Variants in RFPL2 observed in about 807,000 individuals in gnomAD.
RFPL2 encodes ret finger protein-like 2.
A neutral mutation model predicts 17.8 loss-of-function variants in RFPL2; 13 were observed. That is an observed-to-expected ratio of 0.73 (90% CI 0.47 to 1.16). The LOEUF is 1.16. RFPL2 is among the 50% of genes most tolerant of loss of function. RFPL2 has a pLI of 0.00. For missense variants in RFPL2, 431 were observed against 479.3 expected, an observed-to-expected ratio of 0.90 and a Z score of 0.94; for synonymous variants, 189 against 180.9, an observed-to-expected ratio of 1.04 and a Z score of -0.36.
intron 3 of RFPL2, among the ~76,000 whole-genome samples, chr22:32,193,673 C>T (rs547344031): frequency 6.6e-6 from 1 of 152,058 alleles, no homozygotes; most frequent in Non-Finnish European, 1.5e-5. Context: ...CCAGCCTGAC[C>T]AACATGGGGA....
At chr22:32,191,434 C>T in intron 4 of RFPL2, 82 bp from the exon 5 acceptor site, 1 of 1,481,558 alleles carries the variant, frequency 6.7e-7, no homozygotes, top group Non-Finnish European at 9.1e-7. Flanking sequence ...GCCCAAATAT[C>T]TCTTGACTTT....
intron 3 of RFPL2, chr22:32,193,467 C>T (rs1206154814): frequency 6.9e-7 from 1 of 1,444,028 alleles, no homozygotes; most frequent in South Asian, 1.5e-5. Flanking sequence ...TGAGCCTGAG[C>T]CAGTGACATG....
intron 2 of RFPL2, among the ~76,000 whole-genome samples, chr22:32,195,914 C>T (rs1240047683): frequency 6.6e-6 from 1 of 152,078 alleles, no homozygotes; most frequent in Non-Finnish European, 1.5e-5. Context: ...CGACCTCTCC[C>T]CAAGCTCCCC....
chr22:32,195,753 C>T (rs185522078), intron 2 of RFPL2, among the ~76,000 whole-genome samples: 58 of 152,156 alleles, frequency 3.8e-4, no homozygotes, highest in Non-Finnish European at 7.2e-4. Flanking sequence ...CCACCGCGCC[C>T]GGCCAACATT....
chr22:32,197,062 A>T (rs1187955043), intron 2 of RFPL2, among the ~76,000 whole-genome samples: 9 of 152,216 alleles, frequency 5.9e-5, no homozygotes, highest in Admixed American at 5.9e-4. Flanking sequence ...TTTTGTGGCT[A>T]AAAGTTTATT....
At position 32,194,510 on chromosome 22, in the gene RFPL2, G is replaced by A. The variant is rs1923116762; in HGVS notation, c.120-20C>T. 4 of 1,604,132 alleles carry A rather than the reference G, an allele frequency of 2.5e-6. No individual in the cohort carries two copies. The highest frequency in any genetic ancestry group is 4.5e-5 in the East Asian group (2 of 44,734). On this transcript the variant is annotated intron_variant, in intron 2 of 4. Coordinates refer to ENST00000652607, the MANE Select transcript of RFPL2 (RefSeq NM_001394555.1). ...ATGAGGCTTTGATTTAATTATAACA[G>A]GGAATTAGGTTTTTACTGGTGATAT... is the stretch of plus-strand genomic sequence containing the variant.
At chr22:32,198,285 C>T (rs1447602781) in intron 2 of RFPL2, among the ~76,000 whole-genome samples, 4 of 152,166 alleles carry the variant, frequency 2.6e-5, no homozygotes, top group African/African-American at 9.7e-5. Context: ...TCCTGGGCCA[C>T]AGTCAAAGGG....
chr22:32,191,405 C>A, intron 4 of RFPL2, 53 bp from the exon 5 acceptor site: 2 of 1,547,784 alleles, frequency 1.3e-6, no homozygotes, highest in Non-Finnish European at 1.7e-6. Context: ...CAACCCTATG[C>A]CTCTCTTCTA....
intron 3 of RFPL2, chr22:32,193,625 A>G (rs1436554153): frequency 2.1e-5 from 11 of 513,652 alleles, no homozygotes; most frequent in Non-Finnish European, 3.0e-5. Flanking sequence ...TGGGAGGCCA[A>G]GGTGGGTGGA....
intron 1 of RFPL2, chr22:32,203,339 G>T (rs915602638): frequency 6.5e-6 from 1 of 153,512 alleles, no homozygotes; most frequent in Non-Finnish European, 1.4e-5. Flanking sequence ...GGGCAGTGAC[G>T]CCTGGAGTAG....
rs571209292 is a variant in RFPL2 at position 32,202,772 on chromosome 22, C to T, written c.-99-222G>A. Reference sequence around the variant, plus strand: ...GGAACAGCTGCAGCCACCCTGGCTGCACTCCTCGGGAAGCAGGAGCAGCAG... The same window carrying T: ...GGAACAGCTGCAGCCACCCTGGCTGTACTCCTCGGGAAGCAGGAGCAGCAG... On this transcript the variant is annotated intron_variant, in intron 1 of 4. Coordinates refer to ENST00000652607, the MANE Select transcript of RFPL2 (RefSeq NM_001394555.1). 32 of 1,098,522 alleles carry T rather than the reference C, an allele frequency of 2.9e-5. No individual in the cohort carries two copies. In the South Asian group the frequency reaches 6.7e-4, roughly 23 times the overall value. The allele number at this position is 1,098,522 out of a possible 1,614,324, so 68.0% of individuals were successfully genotyped here. A position where few individuals can be genotyped will look rare whatever the true frequency, so the allele number is the denominator to read the frequency against.
intron 2 of RFPL2, among the ~76,000 whole-genome samples, chr22:32,197,506 C>T (rs976153841): frequency 3.9e-5 from 6 of 152,006 alleles, no homozygotes; most frequent in African/African-American, 1.2e-4. Context: ...ATGCTGCGCC[C>T]GTTAACTCGT....
rs776256891 is a variant in RFPL2 at position 32,193,311 on chromosome 22, G to A, written c.266-119C>T. On this transcript the variant is annotated intron_variant, in intron 3 of 4. Transcript: ENST00000652607. ...TTGTGTTCCAGCTTTGTCACTCCGA[G>A]AATAAGACCATGAGTACAAACACTC... 5.6e-6 allele frequency: 9 copies of A among 1,593,572 alleles called. No individual in the cohort carries two copies. The Admixed American group carries it at 6.8e-5, about 12-fold the overall frequency.
In RFPL2 at chr22:32,202,552, T is replaced by C; in HGVS notation, c.-99-2A>G. On this transcript the variant is annotated splice_acceptor_variant, in intron 1 of 4. Transcript: ENST00000652607. LOFTEE classifies it low-confidence loss of function (5UTR_SPLICE). The stretch of plus-strand genomic sequence containing the variant: ...CCGGGCAGACAAAGCCAGAAAAGCC[T>C]AGAACAGGATGCAGAGTGGTAACAT... 1 of 1,516,094 alleles carries C rather than the reference T, an allele frequency of 6.6e-7. No homozygotes were observed. 93.9% of individuals were successfully genotyped at this position (1,516,094 alleles called of 1,614,324 possible).
chr22:32,199,142 C>T (rs566170772), intron 2 of RFPL2, among the ~76,000 whole-genome samples: 74 of 152,248 alleles, frequency 4.9e-4, no homozygotes, highest in Non-Finnish European at 9.0e-4. Context: ...CTCCAGGTTT[C>T]CGTGGGCTCC....
chr22:32,201,039 C>CTTTT (rs136492), intron 2 of RFPL2, among the ~76,000 whole-genome samples: 1,407 of 130,508 alleles, frequency 0.011, 14 homozygotes, highest in Non-Finnish European at 0.018. Context: ...CCCTTATTTC[C>CTTTT]TTTTTTTTTT....
At chr22:32,196,334 T>G (rs1923330018) in intron 2 of RFPL2, among the ~76,000 whole-genome samples, 1 of 152,248 alleles carries the variant, frequency 6.6e-6, no homozygotes, top group Non-Finnish European at 1.5e-5. Flanking sequence ...TATCACATAT[T>G]AAATGAAGAT....
intron 2 of RFPL2, among the ~76,000 whole-genome samples, chr22:32,197,910 T>C (rs1923517403): frequency 6.6e-6 from 1 of 152,052 alleles, no homozygotes. Context: ...AAAATGAACA[T>C]GAGACCCTGA....
chr22:32,204,079 G>A (rs1449720097), intron 1 of RFPL2, among the ~76,000 whole-genome samples: 18 of 146,994 alleles, frequency 1.2e-4, no homozygotes, highest in Admixed American at 1.1e-3. Flanking sequence ...TCCACTCCCT[G>A]CCAGGCAGTG....
Sources: gnomAD v4.1 joint callset for allele counts (sites outside exome capture counted in the v4.1 genomes callset) on GRCh38, gnomAD v4.1.1 for gene constraint, MANE v1.5 for transcripts, NCBI Gene and HGNC (gene_info 2026-07-23, HGNC 2026-07-21) for gene names.